The following BMPER variants were observed in gnomAD, a reference collection of about 807,000 sequenced individuals.
The protein encoded by BMPER is BMP-binding endothelial regulator protein.
BMPER carries 45 observed loss-of-function variants against 87.3 expected under a neutral mutation model. The observed-to-expected ratio is 0.52, with a 90% CI of 0.41 to 0.66. The LOEUF is 0.66. Among genes scored for constraint, BMPER ranks in the 30% least tolerant of loss-of-function variants. The pLI is 0.00. For missense variants in BMPER, 784 were observed against 867.5 expected (o/e 0.90, Z 1.21); for synonymous variants, 326 against 316.2 (o/e 1.03, Z -0.33).
chr7:34,055,418 T>G, intron 9 of BMPER, 115 bp downstream of exon 9: 2 of 1,295,142 alleles, frequency 1.5e-6, no homozygotes, highest in Non-Finnish European at 2.2e-6. Flanking sequence ...TATACAAATG[T>G]ATATGTGTGC....
intron 3 of BMPER, among the ~76,000 whole-genome samples, chr7:33,942,326 G>C (rs1042047801): frequency 3.3e-5 from 5 of 152,152 alleles, no homozygotes; most frequent in Non-Finnish European, 5.9e-5. Flanking sequence ...TACTCCTGGT[G>C]GTACTTTCTT....
At chr7:34,002,109 G>A (rs1786596740) in intron 6 of BMPER, among the ~76,000 whole-genome samples, 1 of 151,704 alleles carries the variant, frequency 6.6e-6, no homozygotes, top group Non-Finnish European at 1.5e-5. Flanking sequence ...AATGTTGTAT[G>A]TGTATTTGAG....
chr7:33,967,149 T>A (rs1785426434), intron 4 of BMPER, among the ~76,000 whole-genome samples: 1 of 152,124 alleles, frequency 6.6e-6, no homozygotes, highest in Non-Finnish European at 1.5e-5. Context: ...CACAGCAAGA[T>A]AAACTAAAGC....
At chr7:34,091,249 G>A (rs1196413227) in intron 13 of BMPER, among the ~76,000 whole-genome samples, 1 of 152,206 alleles carries the variant, frequency 6.6e-6, no homozygotes, top group East Asian at 1.9e-4. Context: ...GACTTTATGT[G>A]TTTGTGTATG....
chr7:34,007,176 T>C (rs1786757530), intron 6 of BMPER, among the ~76,000 whole-genome samples: 1 of 152,110 alleles, frequency 6.6e-6, no homozygotes, highest in South Asian at 2.1e-4. Context: ...ATAATCTTAG[T>C]GATCTTGGGC....
intron 13 of BMPER, among the ~76,000 whole-genome samples, chr7:34,123,721 T>C (rs2127989889): frequency 6.6e-6 from 1 of 152,356 alleles, no homozygotes; most frequent in South Asian, 2.1e-4. Flanking sequence ...TCCTTCTCTG[T>C]TAATCAAACA....
At chr7:33,940,869 A>C (rs1389576498) in intron 3 of BMPER, among the ~76,000 whole-genome samples, 1 of 141,372 alleles carries the variant, frequency 7.1e-6, no homozygotes, top group Non-Finnish European at 1.5e-5. Context: ...TATATATTAT[A>C]TTATATATAT....
chr7:34,111,797 T>C (rs1265595100), intron 13 of BMPER, among the ~76,000 whole-genome samples: 1 of 152,194 alleles, frequency 6.6e-6, no homozygotes, highest in Non-Finnish European at 1.5e-5. Context: ...CACTGCAACC[T>C]CTGCCCCCCA....
At chr7:33,939,782 G>GCTGAGCGT (rs1423511884) in intron 3 of BMPER, among the ~76,000 whole-genome samples, 3 of 152,168 alleles carry the variant, frequency 2.0e-5, no homozygotes, top group Non-Finnish European at 4.4e-5. Context: ...CCCCAGCCAT[G>GCTGAGCGT]CTGAGCTGTG....
intron 11 of BMPER, among the ~76,000 whole-genome samples, chr7:34,065,240 CTCTCT>C (rs1562720545): frequency 6.6e-5 from 10 of 150,478 alleles, no homozygotes; most frequent in Non-Finnish European, 1.2e-4. Flanking sequence ...CTCTCTCTCT[CTCTCT>C]CTCCCTCTCT....
At chr7:33,988,771 C>G (rs920348390) in intron 6 of BMPER, among the ~76,000 whole-genome samples, 5 of 111,206 alleles carry the variant, frequency 4.5e-5, no homozygotes, top group Admixed American at 1.1e-4. Flanking sequence ...CCCCCTCCCC[C>G]CACCCCACAA....
chr7:34,056,515 C>T (rs961660794), intron 9 of BMPER, among the ~76,000 whole-genome samples: 3 of 152,012 alleles, frequency 2.0e-5, no homozygotes. Context: ...CAGAGATGCT[C>T]ATATGTCCTC....
chr7:34,034,322 A>G (rs934564476), intron 6 of BMPER, among the ~76,000 whole-genome samples: 7 of 152,186 alleles, frequency 4.6e-5, no homozygotes, highest in African/African-American at 1.4e-4. Context: ...AATGCTGAGC[A>G]TTGCTGACAT....
intron 2 of BMPER, among the ~76,000 whole-genome samples, chr7:33,915,715 T>C (rs1413041654): frequency 6.6e-6 from 1 of 152,186 alleles, no homozygotes; most frequent in Admixed American, 6.5e-5. Flanking sequence ...GGCCAAGATG[T>C]GTGTGAAAGC....
intron 14 of BMPER, among the ~76,000 whole-genome samples, chr7:34,145,732 A>G (rs1020161597): frequency 6.6e-6 from 1 of 152,202 alleles, no homozygotes; most frequent in Non-Finnish European, 1.5e-5. Flanking sequence ...TAGCTGTGGT[A>G]GTGCTGTTGT....
chr7:33,956,707 T>C (rs1455085077), intron 3 of BMPER, among the ~76,000 whole-genome samples: 1 of 152,214 alleles, frequency 6.6e-6, no homozygotes, highest in African/African-American at 2.4e-5. Flanking sequence ...GAATAATAAA[T>C]ACGTTTTCTC....
At chr7:34,076,428 G>A (rs1461515042) in intron 11 of BMPER, among the ~76,000 whole-genome samples, 1 of 151,992 alleles carries the variant, frequency 6.6e-6, no homozygotes. Context: ...GTTTTGGCGG[G>A]GGTTGTGCAT....
At chr7:34,123,033 A>G (rs190970301) in intron 13 of BMPER, among the ~76,000 whole-genome samples, 55 of 152,296 alleles carry the variant, frequency 3.6e-4, no homozygotes, top group Admixed American at 2.4e-3. Flanking sequence ...TCTAAAGTGA[A>G]CTAAAATTAT....
intron 3 of BMPER, among the ~76,000 whole-genome samples, chr7:33,961,754 G>A (rs1451816622): frequency 1.3e-5 from 2 of 152,064 alleles, no homozygotes; most frequent in African/African-American, 2.4e-5. Context: ...GGGATGGTGG[G>A]GTCAGAAGCC....
Sources: allele counts gnomAD v4.1 joint callset (sites outside exome capture counted in the v4.1 genomes callset), GRCh38; gene constraint gnomAD v4.1.1; transcripts MANE v1.5; gene names NCBI Gene and HGNC (gene_info 2026-07-23, HGNC 2026-07-21).